Variants in SPIDR observed in about 807,000 individuals in gnomAD.
The protein encoded by SPIDR is scaffold protein involved in DNA repair.
Under a neutral mutation model 104.6 loss-of-function variants are expected in SPIDR, and 93 were observed. The observed-to-expected ratio is 0.89, with a 90% CI of 0.75 to 1.06. The LOEUF is 1.06. Among genes scored for constraint, SPIDR ranks in the 50% least tolerant of loss-of-function variants. The pLI is 0.00. For synonymous variants in SPIDR, 431 were observed against 416.9 expected (o/e 1.03, Z -0.41); for missense variants, 1,154 against 1,111.2 (o/e 1.04, Z -0.55).
intron 7 of SPIDR, among the ~76,000 whole-genome samples, chr8:47,435,742 T>C (rs1554691666): frequency 6.6e-6 from 1 of 152,228 alleles, no homozygotes; most frequent in African/African-American, 2.4e-5. Flanking sequence ...AGAGTCCGTT[T>C]CTCAACCTGA....
At chr8:47,442,439 G>A (rs1563985015) in intron 8 of SPIDR, among the ~76,000 whole-genome samples, 1 of 152,128 alleles carries the variant, frequency 6.6e-6, no homozygotes, top group African/African-American at 2.4e-5. Flanking sequence ...AGATTGATAG[G>A]TTTTTTAGGG....
chr8:47,718,869 C>A (rs566959981), intron 16 of SPIDR, among the ~76,000 whole-genome samples: 1 of 152,180 alleles, frequency 6.6e-6, no homozygotes, highest in East Asian at 1.9e-4. Flanking sequence ...CACAGATCAA[C>A]CCATCACCCA....
chr8:47,701,652 T>G, intron 12 of SPIDR, 69 bp from the exon 13 acceptor site: 1 of 1,483,970 alleles, frequency 6.7e-7, no homozygotes, highest in East Asian at 2.3e-5. Context: ...GAGGAGATTT[T>G]AATAATATCT....
intron 8 of SPIDR, among the ~76,000 whole-genome samples, chr8:47,582,009 G>C (rs1031340653): frequency 1.3e-5 from 2 of 152,174 alleles, no homozygotes; most frequent in African/African-American, 4.8e-5. Context: ...CTGAGGTCAG[G>C]AGTTCGAGAC....
intron 8 of SPIDR, among the ~76,000 whole-genome samples, chr8:47,505,241 A>C (rs1255783217): frequency 1.3e-5 from 2 of 152,204 alleles, no homozygotes; most frequent in African/African-American, 2.4e-5. Flanking sequence ...TGGAGGCTAC[A>C]GAGGCAGGCA....
chr8:47,483,196 TG>T (rs1469212526), intron 8 of SPIDR, among the ~76,000 whole-genome samples: 1 of 152,246 alleles, frequency 6.6e-6, no homozygotes, highest in Non-Finnish European at 1.5e-5. Flanking sequence ...ATTTTACGCT[TG>T]GGGTTGTCTT....
chr8:47,592,421 A>G, intron 8 of SPIDR: 1 of 1,435,456 alleles, frequency 7.0e-7, no homozygotes, highest in Non-Finnish European at 9.8e-7. Flanking sequence ...GCCATTGAGT[A>G]TTCTTCTGGA....
chr8:47,466,598 C>G (rs926378571), intron 8 of SPIDR, among the ~76,000 whole-genome samples: 1 of 151,920 alleles, frequency 6.6e-6, no homozygotes, highest in Non-Finnish European at 1.5e-5. Context: ...CAGTGGCTCA[C>G]GCCTGTAATC....
At chr8:47,384,623 A>G (rs2059676051) in intron 5 of SPIDR, among the ~76,000 whole-genome samples, 1 of 152,208 alleles carries the variant, frequency 6.6e-6, no homozygotes, top group Non-Finnish European at 1.5e-5. Flanking sequence ...GTTATTGGGC[A>G]GATTGCCTGT....
intron 5 of SPIDR, among the ~76,000 whole-genome samples, chr8:47,350,558 C>T (rs1406938636): frequency 6.6e-6 from 1 of 151,800 alleles, no homozygotes; most frequent in African/African-American, 2.4e-5. Flanking sequence ...AAGTGATCTG[C>T]CTGCCTCGGC....
chr8:47,286,389 A>G (rs1181583337), intron 3 of SPIDR, among the ~76,000 whole-genome samples: 1 of 152,180 alleles, frequency 6.6e-6, no homozygotes, highest in East Asian at 1.9e-4. Flanking sequence ...TCACCTAAAC[A>G]TAAAGGGAAA....
chr8:47,677,572 T>G (rs1442623899), intron 11 of SPIDR, among the ~76,000 whole-genome samples: 1 of 152,198 alleles, frequency 6.6e-6, no homozygotes, highest in Admixed American at 6.5e-5. Context: ...GGAGAAGCTC[T>G]TACTGAAGAG....
chr8:47,264,529 G>A (rs1331808577), intron 1 of SPIDR, among the ~76,000 whole-genome samples: 1 of 151,984 alleles, frequency 6.6e-6, no homozygotes, highest in Non-Finnish European at 1.5e-5. Context: ...TTAACATGCT[G>A]TGATTCTTCC....
intron 10 of SPIDR, among the ~76,000 whole-genome samples, chr8:47,661,858 C>A (rs1471485769): frequency 6.6e-6 from 1 of 152,218 alleles, no homozygotes; most frequent in Non-Finnish European, 1.5e-5. Flanking sequence ...TCGATAGTGG[C>A]AGAGCTGGGA....
rs1554695569 is a variant in SPIDR at position 47,440,310 on chromosome 8, C to G, written c.878-13C>G. The G allele has an allele frequency of 8.7e-6, 14 of 1,610,296 alleles. No homozygotes were observed. The South Asian group carries it at 1.5e-4, about 18-fold the overall frequency. ...GATTTCATTTTTGCTTTGTTCTTTTCTTCAACTTCTAGGTAGAAAATCTGG... is the reference window on the plus strand; with the variant it reads ...GATTTCATTTTTGCTTTGTTCTTTTGTTCAACTTCTAGGTAGAAAATCTGG... On this transcript the variant is annotated splice_polypyrimidine_tract_variant and intron_variant, in intron 7 of 19. Transcript: ENST00000297423.
chr8:47,608,387 A>AT (rs1303469437), intron 10 of SPIDR, among the ~76,000 whole-genome samples: 1 of 152,206 alleles, frequency 6.6e-6, no homozygotes, highest in African/African-American at 2.4e-5. Context: ...ATTAACATGA[A>AT]TAGTGCTACT....
At chr8:47,633,572 A>AC (rs1174509373) in intron 10 of SPIDR, among the ~76,000 whole-genome samples, 4 of 151,292 alleles carry the variant, frequency 2.6e-5, no homozygotes, top group Non-Finnish European at 5.9e-5. Context: ...AAAAAAAAAA[A>AC]ACAAAAACCA....
chr8:47,713,887 G>T (rs2082210619), intron 16 of SPIDR, among the ~76,000 whole-genome samples: 1 of 152,182 alleles, frequency 6.6e-6, no homozygotes, highest in Non-Finnish European at 1.5e-5. Context: ...TGATAACCTG[G>T]GCCCACGTCT....
chr8:47,390,816 A>G (rs2060492429), intron 5 of SPIDR, among the ~76,000 whole-genome samples: 1 of 152,184 alleles, frequency 6.6e-6, no homozygotes, highest in Non-Finnish European at 1.5e-5. Context: ...CAAAGTAATT[A>G]AACAGTTGAG....
Sources: allele counts gnomAD v4.1 joint callset (sites outside exome capture counted in the v4.1 genomes callset), GRCh38; gene constraint gnomAD v4.1.1; transcripts MANE v1.5; gene names NCBI Gene and HGNC (gene_info 2026-07-23, HGNC 2026-07-21).